The following CCDC148 variants were observed in gnomAD, a reference collection of about 807,000 sequenced individuals.
The protein encoded by CCDC148 is coiled-coil domain-containing protein 148.
Under a neutral mutation model 85.7 loss-of-function variants are expected in CCDC148, and 89 were observed. The observed-to-expected ratio is 1.04, with a 90% CI of 0.87 to 1.24. The LOEUF (loss-of-function observed/expected upper bound fraction) is 1.24. CCDC148 is among the 50% of genes most tolerant of loss of function. The probability of loss-of-function intolerance (pLI) is 0.00; values close to 1 mark genes in which losing one functional copy is unlikely to be tolerated. For synonymous variants in CCDC148, 230 were observed against 213.9 expected (o/e 1.08, Z -0.66); for missense variants, 692 against 671.7 (o/e 1.03, Z -0.33).
intron 11 of CCDC148, among the ~76,000 whole-genome samples, chr2:158,194,847 TCTGA>T (rs71867518): frequency 0.07 from 10,679 of 152,164 alleles, 487 homozygotes; most frequent in East Asian, 0.11. Flanking sequence ...CTTGAACTCC[TCTGA>T]CTATTATGTT....
chr2:158,434,546 TA>T (rs1389111172), intron 1 of CCDC148, among the ~76,000 whole-genome samples: 2 of 152,102 alleles, frequency 1.3e-5, no homozygotes, highest in Non-Finnish European at 2.9e-5. Flanking sequence ...CTGAAAATAT[TA>T]AAAATCAGAG....
At chr2:158,424,703 A>C (rs1686990880) in intron 1 of CCDC148, 1 of 193,690 alleles carries the variant, frequency 5.2e-6, no homozygotes, top group African/African-American at 2.7e-5. Context: ...GTACCCTAGA[A>C]CTTAAAGTAT....
intron 13 of CCDC148, among the ~76,000 whole-genome samples, chr2:158,173,277 G>A (rs1343998615): frequency 6.6e-6 from 1 of 152,006 alleles, no homozygotes; most frequent in Non-Finnish European, 1.5e-5. Flanking sequence ...TTGGGATAAG[G>A]GTGGTTTGAG....
At chr2:158,434,941 G>C (rs1438578408) in intron 1 of CCDC148, among the ~76,000 whole-genome samples, 2 of 152,170 alleles carry the variant, frequency 1.3e-5, no homozygotes, top group Non-Finnish European at 2.9e-5. Context: ...AGAGTAAAAA[G>C]AAATGAACAA....
intron 10 of CCDC148, among the ~76,000 whole-genome samples, chr2:158,237,665 A>G (rs2105318350): frequency 6.6e-6 from 1 of 152,290 alleles, no homozygotes; most frequent in African/African-American, 2.4e-5. Flanking sequence ...TGAGGAGTTA[A>G]CACATATGAG....
At chr2:158,424,652 C>T (rs1686986709) in intron 1 of CCDC148, 1 of 176,278 alleles carries the variant, frequency 5.7e-6, no homozygotes, top group Non-Finnish European at 1.2e-5. Context: ...ACCAACATGG[C>T]ACATGTATAC....
chr2:158,351,804 C>T (rs1262104492), intron 2 of CCDC148, among the ~76,000 whole-genome samples: 2 of 151,850 alleles, frequency 1.3e-5, no homozygotes, highest in East Asian at 1.9e-4. Context: ...CAGCAGTAAC[C>T]TCTGCAGACT....
At chr2:158,356,168 G>A (rs1683622076) in intron 2 of CCDC148, among the ~76,000 whole-genome samples, 1 of 126,780 alleles carries the variant, frequency 7.9e-6, no homozygotes, top group African/African-American at 3.7e-5. Context: ...ACATAGGCAT[G>A]GGCAAGGACT....
chr2:158,344,397 A>C (rs1328961063), intron 3 of CCDC148, among the ~76,000 whole-genome samples: 3 of 152,178 alleles, frequency 2.0e-5, no homozygotes, highest in East Asian at 3.9e-4. Flanking sequence ...CATCAACATG[A>C]AAAAGACCTA....
At chr2:158,445,912 G>A (rs1048121799) in intron 1 of CCDC148, among the ~76,000 whole-genome samples, 17 of 152,074 alleles carry the variant, frequency 1.1e-4, no homozygotes, top group Admixed American at 5.9e-4. Flanking sequence ...TTGGTTTAAT[G>A]GTTGGTCATA....
intron 2 of CCDC148, among the ~76,000 whole-genome samples, chr2:158,353,472 G>A (rs1382711701): frequency 7.1e-6 from 1 of 141,756 alleles, no homozygotes; most frequent in African/African-American, 2.5e-5. Flanking sequence ...GATCAAAAGA[G>A]ACAAAGAAGG....
chr2:158,200,004 A>T (rs6745107), intron 11 of CCDC148, among the ~76,000 whole-genome samples: 1 of 152,148 alleles, frequency 6.6e-6, no homozygotes, highest in Non-Finnish European at 1.5e-5. Flanking sequence ...GACGCATTCA[A>T]ACTAGTCATT....
intron 9 of CCDC148, among the ~76,000 whole-genome samples, chr2:158,272,743 G>C (rs921736258): frequency 1.3e-5 from 2 of 152,192 alleles, no homozygotes; most frequent in African/African-American, 4.8e-5. Flanking sequence ...AACTGGTCTT[G>C]AGTCAAGCAT....
chr2:158,313,727 G>A, intron 8 of CCDC148, 29 bp downstream of exon 8: 1 of 1,575,298 alleles, frequency 6.3e-7, no homozygotes, highest in Non-Finnish European at 8.6e-7. Flanking sequence ...AATTTAACTT[G>A]CCAGTATGTA....
intron 1 of CCDC148, among the ~76,000 whole-genome samples, chr2:158,402,133 G>T (rs996573614): frequency 6.6e-6 from 1 of 152,000 alleles, no homozygotes; most frequent in African/African-American, 2.4e-5. Context: ...GTTATCATTT[G>T]ATCGTAAACT....
At chr2:158,400,575 T>G (rs1273412254) in intron 1 of CCDC148, among the ~76,000 whole-genome samples, 2 of 152,192 alleles carry the variant, frequency 1.3e-5, no homozygotes, top group Non-Finnish European at 2.9e-5. Flanking sequence ...GATTAAAGAT[T>G]TAAATGTTAG....
At chr2:158,318,513 A>G (rs1036227466) in intron 7 of CCDC148, among the ~76,000 whole-genome samples, 2 of 152,250 alleles carry the variant, frequency 1.3e-5, no homozygotes, top group Non-Finnish European at 2.9e-5. Flanking sequence ...GAATCCGGTC[A>G]GAATAGGAGG....
At chr2:158,217,856 A>C (rs1223467839) in intron 11 of CCDC148, among the ~76,000 whole-genome samples, 2 of 152,226 alleles carry the variant, frequency 1.3e-5, no homozygotes, top group African/African-American at 4.8e-5. Flanking sequence ...ACGGAAAAAA[A>C]GTGTCCGTAG....
At chr2:158,186,261 C>T (rs191262855) in intron 11 of CCDC148, among the ~76,000 whole-genome samples, 77 of 152,178 alleles carry the variant, frequency 5.1e-4, no homozygotes, top group Non-Finnish European at 5.7e-4. Context: ...GCACCATTAA[C>T]TCCATCCCTA....
Sources: allele counts gnomAD v4.1 joint callset (sites outside exome capture counted in the v4.1 genomes callset), GRCh38; gene constraint gnomAD v4.1.1; transcripts MANE v1.5; gene names NCBI Gene and HGNC (gene_info 2026-07-23, HGNC 2026-07-21).